RHOJ: variants seen among roughly 807,000 people sequenced by gnomAD.
The protein encoded by RHOJ is rho-related GTP-binding protein RhoJ.
A neutral mutation model predicts 23.4 loss-of-function variants in RHOJ; 11 were observed. That is an observed-to-expected ratio of 0.47 (90% CI 0.30 to 0.78). The LOEUF (loss-of-function observed/expected upper bound fraction) is 0.78. Among genes scored for constraint, RHOJ ranks in the 30% least tolerant of loss-of-function variants. The pLI, the probability that RHOJ is intolerant of heterozygous loss-of-function variation, is 0.08. For synonymous variants in RHOJ, 102 were observed against 102.7 expected (o/e 0.99, Z 0.04); for missense variants, 254 against 273.4 (o/e 0.93, Z 0.50).
chr14:63,277,966 A>AACAAAC lies in RHOJ; in HGVS notation c.238-3002_238-3001insAACACA, dbSNP rs1881784132. ...TCTCCACTGCCTCACCAGCTACACA[A>AACAAAC]ACACACACACACACACACACACACA... On this transcript the variant is annotated intron_variant, in intron 2 of 4. Transcript: ENST00000316754. 2.1e-5 allele frequency among the ~76,000 whole-genome samples: 3 copies of AACAAAC among 141,512 alleles called. No homozygotes were observed. The South Asian group carries it at 6.9e-4, about 33-fold the overall frequency. 92.8% of individuals were successfully genotyped at this position (141,512 alleles called of 152,430 possible). A position where few individuals can be genotyped will look rare whatever the true frequency, so the allele number is the denominator to read the frequency against.
Position 63,204,715 on chromosome 14 carries a change from A to G in RHOJ, c.-155A>G. ...TTACCAGCATGGTAAGCAACAGGAC[A>G]TATCCCAGCCTCGGACATGTCTGTA... On this transcript the variant is annotated 5_prime_UTR_variant, in exon 1 of 5. Transcript: ENST00000316754. 1 of 689,798 alleles carries G rather than the reference A, an allele frequency of 1.4e-6. No individual in the cohort carries two copies. Among genetic ancestry groups the G allele is most frequent in the Middle Eastern group, 4.1e-4 (1 of 2,446 alleles). The allele number at this position is 689,798 out of a possible 1,614,324, so 42.7% of individuals were successfully genotyped here.
At chr14:63,213,322 TG>T (rs1213553879) in intron 1 of RHOJ, among the ~76,000 whole-genome samples, 3 of 152,208 alleles carry the variant, frequency 2.0e-5, no homozygotes. Context: ...TATCTATTGT[TG>T]CCATCTTCCT....
intron 1 of RHOJ, among the ~76,000 whole-genome samples, chr14:63,217,780 C>A (rs987621926): frequency 6.6e-6 from 1 of 152,138 alleles, no homozygotes; most frequent in Non-Finnish European, 1.5e-5. Context: ...AAAACTTTCC[C>A]GCTTTTTTAA....
intron 1 of RHOJ, among the ~76,000 whole-genome samples, chr14:63,216,959 T>C (rs888787729): frequency 1.1e-4 from 17 of 152,164 alleles, no homozygotes; most frequent in African/African-American, 3.6e-4. Flanking sequence ...TCAGAATAAT[T>C]ACTCTTCATG....
intron 1 of RHOJ, among the ~76,000 whole-genome samples, chr14:63,230,598 T>G (rs1394725211): frequency 1.3e-5 from 2 of 152,036 alleles, no homozygotes; most frequent in African/African-American, 4.8e-5. Flanking sequence ...AGATCTTCCC[T>G]AATCATGCTG....
chr14:63,283,154 C>G lies in RHOJ; in HGVS notation c.436C>G (p.Arg146Gly). 2 of 1,614,026 alleles carry G rather than the reference C, an allele frequency of 1.2e-6. No individual in the cohort carries two copies. The highest frequency in any genetic ancestry group is 1.7e-6 in the Non-Finnish European group (2 of 1,179,938). Residue 146 changes from arginine to glycine, a missense_variant, in exon 4 of 5, where the codon CGT becomes GGT. Transcript: ENST00000316754. ...CCGTGATGACCCAAAAACCTTGGCCCGTTTGCTGTATATGAAAGAGAAACC... is the reference window on the plus strand; with the variant it reads ...CCGTGATGACCCAAAAACCTTGGCCGGTTTGCTGTATATGAAAGAGAAACC... ...DLRDDPKTLA[R>G]LLYMKEKPLT...
intron 1 of RHOJ, among the ~76,000 whole-genome samples, chr14:63,219,555 C>T (rs1894438930): frequency 1.3e-5 from 2 of 152,294 alleles, no homozygotes; most frequent in African/African-American, 2.4e-5. Context: ...TGGTGGCTCA[C>T]ACCTATAATC....
At chr14:63,285,119 T>C (rs956542095) in intron 4 of RHOJ, among the ~76,000 whole-genome samples, 39 of 152,214 alleles carry the variant, frequency 2.6e-4, no homozygotes, top group African/African-American at 9.2e-4. Flanking sequence ...TCAGCTAGCA[T>C]TTATGGAGTG....
chr14:63,230,758 G>A (rs915576256), intron 1 of RHOJ, among the ~76,000 whole-genome samples: 1 of 150,800 alleles, frequency 6.6e-6, no homozygotes, highest in Non-Finnish European at 1.5e-5. Context: ...AGAAAAGGGT[G>A]CCATATCTCT....
At chr14:63,224,366 T>A (rs1894551092) in intron 1 of RHOJ, among the ~76,000 whole-genome samples, 1 of 152,218 alleles carries the variant, frequency 6.6e-6, no homozygotes, top group South Asian at 2.1e-4. Flanking sequence ...CTCTGCTTCA[T>A]GTACTGTAAC....
At chr14:63,289,918 T>C (rs1428460769) in intron 4 of RHOJ, among the ~76,000 whole-genome samples, 8 of 152,190 alleles carry the variant, frequency 5.3e-5, no homozygotes, top group Admixed American at 4.6e-4. Context: ...TAGTGGGTTT[T>C]TTTTTTAACT....
In RHOJ at chr14:63,234,076, G is replaced by A. The variant is rs563530572; in HGVS notation, c.178+29029G>A. On this transcript the variant is annotated intron_variant, in intron 1 of 4. Transcript: ENST00000316754. ...TGCAAGCCACCTGGTGTGTACAACC[G>A]TCATTGTCCCTGGAAAGCTCTTGTA... Among the ~76,000 whole-genome samples, 12 of 152,262 alleles carry A rather than the reference G, an allele frequency of 7.9e-5. No homozygotes were observed. In the East Asian group the frequency reaches 1.2e-3, roughly 15 times the overall value.
intron 1 of RHOJ, among the ~76,000 whole-genome samples, chr14:63,239,232 C>A (rs1020184139): frequency 6.6e-6 from 1 of 152,178 alleles, no homozygotes; most frequent in African/African-American, 2.4e-5. Context: ...CTGCTTCAGC[C>A]TCCTGAGTAG....
At chr14:63,233,283 G>A (rs1433560838) in intron 1 of RHOJ, among the ~76,000 whole-genome samples, 1 of 152,156 alleles carries the variant, frequency 6.6e-6, no homozygotes, top group African/African-American at 2.4e-5. Flanking sequence ...ACTGTGAAAG[G>A]GCTGAATGGG....
chr14:63,249,842 T>C (rs1025278072), intron 1 of RHOJ, among the ~76,000 whole-genome samples: 1 of 152,184 alleles, frequency 6.6e-6, no homozygotes, highest in Non-Finnish European at 1.5e-5. Flanking sequence ...TTGTAATTGG[T>C]CCAGGGTGCA....
chr14:63,219,583 C>T (rs1297914678), intron 1 of RHOJ, among the ~76,000 whole-genome samples: 1 of 152,022 alleles, frequency 6.6e-6, no homozygotes, highest in African/African-American at 2.4e-5. Context: ...TTTGGGAGGC[C>T]AAGGCGGGAG....
rs552049371 is a variant in RHOJ at position 63,212,436 on chromosome 14, T to C, written c.178+7389T>C. Among the ~76,000 whole-genome samples the C allele has an allele frequency of 5.3e-5, 8 of 152,348 alleles. No individual in the cohort carries two copies. In the South Asian group the frequency reaches 6.2e-4, roughly 12 times the overall value. On this transcript the variant is annotated intron_variant, in intron 1 of 4. Transcript: ENST00000316754. ...CCCAGAAGGACCACCTAGAGTTGCATTCTGGCACTGCAACTGTGTCAAAGA... is the reference window on the plus strand; with the variant it reads ...CCCAGAAGGACCACCTAGAGTTGCACTCTGGCACTGCAACTGTGTCAAAGA...
chr14:63,269,460 CT>C (rs1216912729), intron 2 of RHOJ: 1 of 284,180 alleles, frequency 3.5e-6, no homozygotes, highest in Non-Finnish European at 6.5e-6. Context: ...CAATTTCTTT[CT>C]GTGGAAACCT....
intron 4 of RHOJ, among the ~76,000 whole-genome samples, chr14:63,287,129 A>G (rs1344862393): frequency 6.6e-6 from 1 of 151,962 alleles, no homozygotes; most frequent in African/African-American, 2.4e-5. Context: ...CCCTTCTCTC[A>G]TCACCTTTAC....
Sources: allele counts gnomAD v4.1 joint callset (sites outside exome capture counted in the v4.1 genomes callset), GRCh38; gene constraint gnomAD v4.1.1; transcripts MANE v1.5; gene names NCBI Gene and HGNC (gene_info 2026-07-23, HGNC 2026-07-21).